The following IMPG2 variants were observed in gnomAD, a reference collection of about 807,000 sequenced individuals.
IMPG2 encodes the protein IPM 200.
In IMPG2, 91 loss-of-function variants were observed where a neutral mutation model predicts 129.2. The observed-to-expected ratio is 0.70, with a 90% CI of 0.59 to 0.84. The LOEUF (loss-of-function observed/expected upper bound fraction) is 0.84, where lower values mean the gene tolerates loss of function less well. IMPG2 is among the 40% of genes least tolerant of loss of function. IMPG2 has a pLI of 0.00. For missense variants in IMPG2, 1,430 were observed against 1,461.7 expected (o/e 0.98, Z 0.35); for synonymous variants, 510 against 517.7 (o/e 0.99, Z 0.20).
chr3:101,255,043 C>T (rs1231524416), intron 10 of IMPG2, among the ~76,000 whole-genome samples: 1 of 152,034 alleles, frequency 6.6e-6, no homozygotes, highest in Non-Finnish European at 1.5e-5. Context: ...TTTTAAGTTT[C>T]CTGAGGCCTT....
In IMPG2 at chr3:101,319,854, A is replaced by G; in HGVS notation, c.86-22T>C. The G allele has an allele frequency of 2.5e-6, 4 of 1,606,640 alleles. No individual in the cohort carries two copies. In the East Asian group the frequency reaches 8.9e-5, roughly 36 times the overall value. The stretch of plus-strand genomic sequence containing the variant: ...TGTGCTACAGAGTGAAAGTATAGTC[A>G]AGTCTTCGATAATGAAGATACAGTA... On this transcript the variant is annotated intron_variant, in intron 1 of 18. Transcript: ENST00000193391.
At chr3:101,285,967 A>AT (rs577841456) in intron 4 of IMPG2, among the ~76,000 whole-genome samples, 239 of 152,212 alleles carry the variant, frequency 1.6e-3, no homozygotes, top group Middle Eastern at 3.4e-3. Flanking sequence ...AAGAAAACTG[A>AT]TTTTTTAATC....
intron 2 of IMPG2, among the ~76,000 whole-genome samples, chr3:101,306,607 A>G (rs1434110573): frequency 6.6e-6 from 1 of 152,224 alleles, no homozygotes; most frequent in Non-Finnish European, 1.5e-5. Context: ...AAAACTAACA[A>G]AAAGTGAATG....
chr3:101,284,693 G>A (rs1482798450), intron 4 of IMPG2, among the ~76,000 whole-genome samples: 1 of 152,172 alleles, frequency 6.6e-6, no homozygotes. Flanking sequence ...TCTAAAAGAA[G>A]TAATATTCCT....
At chr3:101,285,213 G>C (rs1319569162) in intron 4 of IMPG2, among the ~76,000 whole-genome samples, 1 of 152,186 alleles carries the variant, frequency 6.6e-6, no homozygotes, top group Non-Finnish European at 1.5e-5. Context: ...TAAGAGGTCA[G>C]GGAGTAACAC....
At chr3:101,245,455 C>A (rs1706465985) in intron 12 of IMPG2, among the ~76,000 whole-genome samples, 1 of 152,126 alleles carries the variant, frequency 6.6e-6, no homozygotes, top group Non-Finnish European at 1.5e-5. Context: ...GTTGAATAAT[C>A]TTCTTTGGTG....
At chr3:101,243,440 C>T in intron 13 of IMPG2, 89 bp downstream of exon 13, 1 of 1,165,242 alleles carries the variant, frequency 8.6e-7, no homozygotes, top group Non-Finnish European at 1.3e-6. Flanking sequence ...TCACACTTTC[C>T]CTGGCTCAGA....
intron 11 of IMPG2, among the ~76,000 whole-genome samples, chr3:101,252,194 T>C (rs111366777): frequency 7.4e-4 from 112 of 152,216 alleles, no homozygotes; most frequent in African/African-American, 2.5e-3. Flanking sequence ...CTTCCTGGTG[T>C]TCAAAAGAAG....
At chr3:101,300,143 G>T (rs562253) in intron 3 of IMPG2, among the ~76,000 whole-genome samples, 3 of 151,736 alleles carry the variant, frequency 2.0e-5, no homozygotes, top group South Asian at 2.1e-4. Flanking sequence ...AGTGAGCAGG[G>T]ACATGTCAAG....
At chr3:101,281,733 T>TA (rs1462102647) in intron 4 of IMPG2, among the ~76,000 whole-genome samples, 1 of 152,146 alleles carries the variant, frequency 6.6e-6, no homozygotes, top group Admixed American at 6.5e-5. Flanking sequence ...AGGCTCCATG[T>TA]AATCACAGGG....
intron 14 of IMPG2, among the ~76,000 whole-genome samples, chr3:101,240,478 G>GTT (rs1463051348): frequency 6.6e-6 from 1 of 152,088 alleles, no homozygotes; most frequent in Non-Finnish European, 1.5e-5. Flanking sequence ...AATCATAACT[G>GTT]TTTGCATTTG....
At chr3:101,241,118 C>G (rs1476454336) in intron 14 of IMPG2, among the ~76,000 whole-genome samples, 1 of 152,342 alleles carries the variant, frequency 6.6e-6, no homozygotes, top group Middle Eastern at 3.4e-3. Context: ...CAAACACATT[C>G]TCAGTCCTTG....
intron 2 of IMPG2, among the ~76,000 whole-genome samples, chr3:101,309,450 A>G (rs1003785210): frequency 1.3e-5 from 2 of 152,200 alleles, no homozygotes; most frequent in African/African-American, 4.8e-5. Flanking sequence ...ATCCTTCTTC[A>G]CATGGCATCG....
intron 18 of IMPG2, 42 bp downstream of exon 18, chr3:101,228,755 T>G: frequency 6.7e-7 from 1 of 1,486,442 alleles, no homozygotes; most frequent in Non-Finnish European, 9.4e-7. Flanking sequence ...AGTAAACTGT[T>G]AAGTCTGTAG....
intron 10 of IMPG2, among the ~76,000 whole-genome samples, chr3:101,256,216 A>G (rs190062582): frequency 1.4e-5 from 2 of 146,030 alleles, no homozygotes; most frequent in Non-Finnish European, 1.5e-5. Flanking sequence ...AAAGAAAGAA[A>G]GAAAAAAATA....
intron 8 of IMPG2, among the ~76,000 whole-genome samples, chr3:101,269,204 G>A (rs16843585): frequency 0.033 from 783 of 24,034 alleles, 8 homozygotes; most frequent in African/African-American, 0.074. Context: ...GCCACATCTC[G>A]TCTGCCTCCT....
chr3:101,274,883 G>A (rs957655497), intron 6 of IMPG2, among the ~76,000 whole-genome samples: 10 of 151,928 alleles, frequency 6.6e-5, no homozygotes, highest in African/African-American at 2.2e-4. Flanking sequence ...GTATTGATTC[G>A]GGTATCCACT....
chr3:101,295,113 G>T (rs184003595), intron 3 of IMPG2, among the ~76,000 whole-genome samples: 1 of 152,120 alleles, frequency 6.6e-6, no homozygotes, highest in African/African-American at 2.4e-5. Flanking sequence ...TTTGGCTTTT[G>T]CTGCTATTGC....
At chr3:101,229,300 A>ACCCCCCCCCCCCCCCCCCCCCTCCCC in intron 17 of IMPG2, 80 bp downstream of exon 17, 1 of 859,118 alleles carries the variant, frequency 1.2e-6, no homozygotes. Flanking sequence ...ACTCATACAC[A>ACCCCCCCCCCCCCCCCCCCCCTCCCC]CCCCCACCCA....
Sources: gnomAD v4.1 joint callset for allele counts (sites outside exome capture counted in the v4.1 genomes callset) on GRCh38, gnomAD v4.1.1 for gene constraint, MANE v1.5 for transcripts, NCBI Gene and HGNC (gene_info 2026-07-23, HGNC 2026-07-21) for gene names.